CACNG8: variants seen among roughly 807,000 people sequenced by gnomAD.
The protein encoded by CACNG8 is voltage-dependent calcium channel gamma-8 subunit.
A neutral mutation model predicts 26.9 loss-of-function variants in CACNG8; 5 were observed. That is an observed-to-expected ratio of 0.19 (90% CI 0.10 to 0.39). CACNG8 has a LOEUF of 0.39. Among genes scored for constraint, CACNG8 ranks in the 10% least tolerant of loss-of-function variants. The pLI, the probability that CACNG8 is intolerant of heterozygous loss-of-function variation, is 1.00. For missense variants in CACNG8, 473 were observed against 609.4 expected (o/e 0.78, Z 2.36); for synonymous variants, 321 against 296.7 (o/e 1.08, Z -0.84).
chr19:53,977,756 T>C (rs560180490), intron 1 of CACNG8, among the ~76,000 whole-genome samples: 64 of 152,202 alleles, frequency 4.2e-4, no homozygotes, highest in African/African-American at 1.5e-3. Context: ...TTTCAACCAA[T>C]TGAGAGGTGG....
rs1183797380 is a variant in CACNG8, at chr19:53,984,164, A to C, written c.*1315A>C. ...TGTGCAGGAGAAAGCCGTGGGGCTT[A>C]GAGACTCATGTGTCTGTCACTCGTT... On this transcript the variant is annotated 3_prime_UTR_variant, in exon 4 of 4. Transcript: ENST00000270458. The C allele has an allele frequency of 6.6e-6, 1 of 152,254 alleles. No individual in the cohort carries two copies. Among genetic ancestry groups the C allele is most frequent in the Admixed American group, 6.5e-5 (1 of 15,278 alleles). The allele number at this position is 152,254 out of a possible 1,614,324, so 9.4% of individuals were successfully genotyped here. A position where few individuals can be genotyped will look rare whatever the true frequency, so the allele number is the denominator to read the frequency against.
At chr19:53,973,249 C>T (rs965676766) in intron 1 of CACNG8, among the ~76,000 whole-genome samples, 1 of 152,130 alleles carries the variant, frequency 6.6e-6, no homozygotes, top group Admixed American at 6.6e-5. Flanking sequence ...AGGCTGGGCG[C>T]GGTGGCTCAT....
chr19:53,964,582 T>C (rs1351827586), intron 1 of CACNG8, among the ~76,000 whole-genome samples: 1 of 152,048 alleles, frequency 6.6e-6, no homozygotes, highest in Non-Finnish European at 1.5e-5. Context: ...TGCTACCTCC[T>C]CGGATCTTCG....
Position 53,986,301 on chromosome 19 carries a change from T to C in CACNG8, c.*3452T>C, listed in dbSNP as rs1342632854. On this transcript the variant is annotated 3_prime_UTR_variant, in exon 4 of 4. Transcript: ENST00000270458. ...TTGTTTTCCCAGTATTCAAGAAATA[T>C]TTATTGAGTGCCAACCTGTTCTAGA... The C allele has an allele frequency of 6.6e-6, 1 of 152,330 alleles. No homozygotes were observed. Among genetic ancestry groups the C allele is most frequent in the African/African-American group, 2.4e-5 (1 of 41,436 alleles). The allele number at this position is 152,330 out of a possible 1,614,324, so 9.4% of individuals were successfully genotyped here.
chr19:53,974,707 T>G (rs2069321066), intron 1 of CACNG8, among the ~76,000 whole-genome samples: 1 of 152,094 alleles, frequency 6.6e-6, no homozygotes, highest in Non-Finnish European at 1.5e-5. Context: ...AGTGGCATGA[T>G]CTTGGCTCAC....
rs1038529740 is a variant in CACNG8 at position 53,988,081 on chromosome 19, GC to G, written c.*5234del. 6.6e-6 allele frequency: 1 copy of G among 152,466 alleles called. No homozygotes were observed. The highest frequency in any genetic ancestry group is 1.5e-5 in the Non-Finnish European group (1 of 68,128). 9.4% of individuals were successfully genotyped at this position (152,466 alleles called of 1,614,324 possible). A position where few individuals can be genotyped will look rare whatever the true frequency, so the allele number is the denominator to read the frequency against. On this transcript the variant is annotated 3_prime_UTR_variant, in exon 4 of 4. Transcript: ENST00000270458. ...AGAAGGAGAGGAGACAGCCAGCTGTGCCAAGGGCTGCTGAGACTTGGACAAG... is the reference window on the plus strand; with the variant it reads ...AGAAGGAGAGGAGACAGCCAGCTGTGCAAGGGCTGCTGAGACTTGGACAAG...
At position 53,982,914 on chromosome 19, in the gene CACNG8, T is replaced by C. The variant is rs1238448039; in HGVS notation, c.*65T>C. Reference sequence around the variant, plus strand: ...TGCGCGGGCGCGCGTGCATCGAGGCTGCCGGGGTCGGGGGCGCCCCCGCTT... The same window carrying C: ...TGCGCGGGCGCGCGTGCATCGAGGCCGCCGGGGTCGGGGGCGCCCCCGCTT... On this transcript the variant is annotated 3_prime_UTR_variant, in exon 4 of 4. Transcript: ENST00000270458. The surrounding 1 kb of genome is among the most constrained non-coding windows in gnomAD (Gnocchi z 8.4). The C allele has an allele frequency of 6.2e-6, 7 of 1,122,672 alleles. 1 individual carries two copies. The highest frequency in any genetic ancestry group is 7.8e-6 in the Non-Finnish European group (7 of 902,730). The allele number at this position is 1,122,672 out of a possible 1,614,324, so 69.5% of individuals were successfully genotyped here.
At chr19:53,977,370 T>A (rs955501281) in intron 1 of CACNG8, among the ~76,000 whole-genome samples, 2 of 152,192 alleles carry the variant, frequency 1.3e-5, no homozygotes, top group Non-Finnish European at 2.9e-5. Context: ...ATATTTTTAA[T>A]TTTTTTCTCC....
At chr19:53,978,322 C>G (rs1359078015) in intron 2 of CACNG8, 93 bp downstream of exon 2, 2 of 916,566 alleles carry the variant, frequency 2.2e-6, no homozygotes, top group East Asian at 2.6e-5. Flanking sequence ...CACTGGGACT[C>G]CGGCACTTGG....
intron 1 of CACNG8, among the ~76,000 whole-genome samples, chr19:53,975,056 C>G (rs746985180): frequency 2.0e-5 from 3 of 151,602 alleles, no homozygotes; most frequent in Admixed American, 6.6e-5. Flanking sequence ...TCAAGTGATT[C>G]TCCTGCCTCA....
At position 53,984,799 on chromosome 19, in the gene CACNG8, A is replaced by G. The variant is rs1177691514; in HGVS notation, c.*1950A>G. The G allele has an allele frequency of 6.6e-6, 1 of 152,060 alleles. No individual in the cohort carries two copies. The highest frequency in any genetic ancestry group is 1.5e-5 in the Non-Finnish European group (1 of 68,054). The allele number at this position is 152,060 out of a possible 1,614,324, so 9.4% of individuals were successfully genotyped here. The stretch of plus-strand genomic sequence containing the variant: ...AACCCTGTCTCTACAAAACATTAAA[A>G]AAAATTAGCCGGGCGTGGTGGAGCA... On this transcript the variant is annotated 3_prime_UTR_variant, in exon 4 of 4. Transcript: ENST00000270458.
At chr19:53,970,752 G>A (rs2069297550) in intron 1 of CACNG8, among the ~76,000 whole-genome samples, 1 of 151,504 alleles carries the variant, frequency 6.6e-6, no homozygotes, top group South Asian at 2.1e-4. Context: ...GGGCAACATA[G>A]GGAGACCCCG....
intron 1 of CACNG8, among the ~76,000 whole-genome samples, chr19:53,972,951 T>C (rs964690599): frequency 2.0e-5 from 3 of 152,036 alleles, no homozygotes; most frequent in African/African-American, 4.8e-5. Context: ...TTTGGGCAAC[T>C]TCTTCAACTC....
At position 53,963,359 on chromosome 19, in the gene CACNG8, G is replaced by C. The variant is rs775561047; in HGVS notation, c.217G>C (p.Ala73Pro). The C allele has an allele frequency of 3.1e-6, 5 of 1,589,762 alleles. No homozygotes were observed. The African/African-American group carries it at 5.5e-5, about 17-fold the overall frequency. ...GACCCCCCACCGCGGGGGCGGCGGC[G>C]CCTCGGAGAAGAAGGACCCCGGCGG... Residue 73 changes from alanine (A) to proline (P), a missense_variant, in exon 1 of 4, where the codon GCC becomes CCC. Physicochemically the swap from Ala to Pro is conservative, Grantham distance 27 (BLOSUM62 -1). Around this residue, in one of 6 missense-constraint regions of CACNG8, gnomAD observed 69 missense variants for 66.7 expected, o/e 1.03. Transcript: ENST00000270458.
intron 3 of CACNG8, among the ~76,000 whole-genome samples, chr19:53,980,511 A>G (rs868347756): frequency 2.6e-5 from 4 of 151,996 alleles, no homozygotes; most frequent in Admixed American, 2.6e-4. Context: ...GTCCTGGGAA[A>G]CCGTCCAGGG....
chr19:53,982,011 G>A lies in CACNG8; in HGVS notation c.509-69G>A. The A allele has an allele frequency of 6.7e-7, 1 of 1,484,600 alleles. No individual in the cohort carries two copies. Among genetic ancestry groups the A allele is most frequent in the East Asian group, 2.7e-5 (1 of 36,480 alleles). The allele number at this position is 1,484,600 out of a possible 1,614,324, so 92.0% of individuals were successfully genotyped here. ...GGGCCCGCTGGCGCAGGCGGGCAGG[G>A]GTCGGGGCCGGGGGCGGGGGCGGGG... On this transcript the variant is annotated intron_variant, in intron 3 of 3. Transcript: ENST00000270458. This position sits in a 1 kb window ranked among gnomAD's most constrained non-coding sequence, Gnocchi z 8.4.
chr19:53,965,330 C>A (rs1437988206), intron 1 of CACNG8, among the ~76,000 whole-genome samples: 3 of 152,162 alleles, frequency 2.0e-5, no homozygotes, highest in East Asian at 1.9e-4. Flanking sequence ...CCACGATGGG[C>A]CGGATCTGAG....
intron 3 of CACNG8, 54 bp downstream of exon 3, chr19:53,980,061 T>G: frequency 1.7e-6 from 1 of 600,378 alleles, no homozygotes; most frequent in Non-Finnish European, 2.3e-6. Flanking sequence ...CGCGCACGTG[T>G]GTGTGTGTGT....
chr19:53,964,369 TCTC>T (rs1213890278), intron 1 of CACNG8, among the ~76,000 whole-genome samples: 2 of 152,034 alleles, frequency 1.3e-5, no homozygotes, highest in Non-Finnish European at 2.9e-5. Context: ...GCCTTGTGCT[TCTC>T]CTCCTGTTCA....
Sources: gnomAD v4.1 joint callset for allele counts (sites outside exome capture counted in the v4.1 genomes callset) on GRCh38, gnomAD v4.1.1 for gene constraint, gnomAD v4.1.1 regional missense constraint, Gnocchi (gnomAD v3.1) non-coding constraint, MANE v1.5 for transcripts, NCBI Gene and HGNC (gene_info 2026-07-23, HGNC 2026-07-21) for gene names.